Variants in ASTN2 observed in about 807,000 individuals in gnomAD.
ASTN2 encodes the protein astrotactin 2.
Under a neutral mutation model 139.8 loss-of-function variants are expected in ASTN2, and 54 were observed. The ratio of observed to expected loss-of-function variants is 0.39; its 90% CI spans 0.31 to 0.48. ASTN2 has a LOEUF of 0.48. Among genes scored for constraint, ASTN2 ranks in the 20% least tolerant of loss-of-function variants. The pLI, the probability that ASTN2 is intolerant of heterozygous loss-of-function variation, is 0.95. For missense variants in ASTN2, 1,565 were observed against 1,725.1 expected (o/e 0.91, Z 1.64); for synonymous variants, 756 against 719.5 (o/e 1.05, Z -0.81).
chr9:116,467,213 T>A (rs910755318), intron 20 of ASTN2, among the ~76,000 whole-genome samples: 1 of 152,012 alleles, frequency 6.6e-6, no homozygotes, highest in Admixed American at 6.6e-5. Context: ...AAACTCACTT[T>A]AGAATGCAGC....
At chr9:116,478,965 CT>C (rs1849080112) in intron 20 of ASTN2, among the ~76,000 whole-genome samples, 1 of 122,090 alleles carries the variant, frequency 8.2e-6, no homozygotes. Context: ...GCACTCCAGT[CT>C]GGGCGACAGA....
intron 3 of ASTN2, among the ~76,000 whole-genome samples, chr9:117,174,835 A>G (rs1830878242): frequency 6.6e-6 from 1 of 152,110 alleles, no homozygotes; most frequent in African/African-American, 2.4e-5. Flanking sequence ...TTATCTAACA[A>G]AAACCTAACA....
chr9:116,842,747 C>T (rs533965964), intron 11 of ASTN2, among the ~76,000 whole-genome samples: 5 of 62,630 alleles, frequency 8.0e-5, no homozygotes, highest in East Asian at 8.9e-4. Context: ...TGGGGTGGGG[C>T]GGGGGGAGGG....
chr9:117,383,422 G>T (rs1483019183), intron 1 of ASTN2, among the ~76,000 whole-genome samples: 3 of 152,104 alleles, frequency 2.0e-5, no homozygotes, highest in Non-Finnish European at 2.9e-5. Context: ...TCAGTTACAT[G>T]AATATATACA....
chr9:116,676,462 G>C (rs1859506469), intron 16 of ASTN2, among the ~76,000 whole-genome samples: 2 of 152,150 alleles, frequency 1.3e-5, no homozygotes, highest in Non-Finnish European at 2.9e-5. Context: ...TGGCAGGCTG[G>C]TCAGTTACAA....
intron 19 of ASTN2, among the ~76,000 whole-genome samples, chr9:116,606,998 AT>A (rs914245312): frequency 2.0e-5 from 3 of 152,302 alleles, no homozygotes; most frequent in African/African-American, 7.2e-5. Context: ...AGCCAAGTTC[AT>A]TTTCCAGAGG....
chr9:116,738,317 A>G (rs1303572481), intron 13 of ASTN2, among the ~76,000 whole-genome samples: 3 of 151,924 alleles, frequency 2.0e-5, no homozygotes, highest in Non-Finnish European at 2.9e-5. Flanking sequence ...CTTGGCCAAC[A>G]TGGTGAAACC....
intron 16 of ASTN2, among the ~76,000 whole-genome samples, chr9:116,682,057 G>A (rs534471009): frequency 2.0e-5 from 3 of 151,646 alleles, no homozygotes; most frequent in South Asian, 2.1e-4. Flanking sequence ...CTTCTGCACA[G>A]CAAAAGAAAC....
At chr9:116,651,873 C>T in intron 16 of ASTN2, 80 bp from the exon 17 acceptor site, 1 of 1,507,466 alleles carries the variant, frequency 6.6e-7, no homozygotes, top group Non-Finnish European at 9.0e-7. Flanking sequence ...TCACAAAATA[C>T]AGATGCTAAG....
chr9:117,116,609 G>A (rs1239784703), intron 4 of ASTN2, among the ~76,000 whole-genome samples: 1 of 149,054 alleles, frequency 6.7e-6, no homozygotes, highest in Admixed American at 6.7e-5. Context: ...TCTGCACAAT[G>A]CTAGTCTAGG....
At chr9:116,997,743 T>C (rs1419581013) in intron 7 of ASTN2, among the ~76,000 whole-genome samples, 1 of 152,198 alleles carries the variant, frequency 6.6e-6, no homozygotes, top group Non-Finnish European at 1.5e-5. Context: ...AATAACTACC[T>C]AGAAGTGTTA....
At chr9:116,479,465 G>A (rs1849096759) in intron 20 of ASTN2, among the ~76,000 whole-genome samples, 1 of 71,858 alleles carries the variant, frequency 1.4e-5, no homozygotes, top group Non-Finnish European at 4.1e-5. Flanking sequence ...CTCCATCCAA[G>A]GCTCTCAGCC....
chr9:116,856,525 G>A (rs1196207839), intron 11 of ASTN2, among the ~76,000 whole-genome samples: 1 of 152,164 alleles, frequency 6.6e-6, no homozygotes, highest in African/African-American at 2.4e-5. Flanking sequence ...TTAAGAGGGG[G>A]AAAGGATGAG....
chr9:117,009,931 G>A (rs1354041915), intron 6 of ASTN2, among the ~76,000 whole-genome samples: 4 of 152,160 alleles, frequency 2.6e-5, no homozygotes, highest in Admixed American at 6.5e-5. Context: ...TGTGGGAGGA[G>A]AAGTTTCCCT....
intron 17 of ASTN2, among the ~76,000 whole-genome samples, chr9:116,625,145 T>G (rs146023750): frequency 3.3e-5 from 5 of 152,106 alleles, no homozygotes; most frequent in African/African-American, 7.2e-5. Context: ...AAAACCAACC[T>G]CCCAGCTGGG....
chr9:117,019,061 T>C (rs1025874511), intron 6 of ASTN2, among the ~76,000 whole-genome samples: 9 of 152,210 alleles, frequency 5.9e-5, no homozygotes, highest in African/African-American at 2.2e-4. Context: ...CACTAAGATT[T>C]CTGGTTGTTG....
Position 116,917,500 on chromosome 9 carries a change from T to C in ASTN2, c.1890-53767A>G, listed in dbSNP as rs559798351. Among the ~76,000 whole-genome samples the C allele has an allele frequency of 2.6e-5, 4 of 152,350 alleles. No homozygotes were observed. In the East Asian group the frequency reaches 5.8e-4, roughly 22 times the overall value. On this transcript the variant is annotated intron_variant, in intron 10 of 22. Coordinates refer to ENST00000313400, the MANE Select transcript of ASTN2 (RefSeq NM_001365068.1). ...TTAAAGCATAGGACGTAAAAACTTTTGGGTCTGGAGACAATAGAATTTCTG... is the reference window on the plus strand; with the variant it reads ...TTAAAGCATAGGACGTAAAAACTTTCGGGTCTGGAGACAATAGAATTTCTG...
intron 5 of ASTN2, among the ~76,000 whole-genome samples, chr9:117,073,052 A>G (rs1828178144): frequency 6.6e-6 from 1 of 152,210 alleles, no homozygotes; most frequent in Non-Finnish European, 1.5e-5. Flanking sequence ...GAGAATCTGT[A>G]AAAAACAGAG....
chr9:116,588,684 GTTT>G (rs1330866821), intron 19 of ASTN2, among the ~76,000 whole-genome samples: 7 of 151,994 alleles, frequency 4.6e-5, no homozygotes, highest in African/African-American at 1.7e-4. Flanking sequence ...AGAAATGGTA[GTTT>G]TTTTTCTCTG....
Sources: gnomAD v4.1 joint callset for allele counts (sites outside exome capture counted in the v4.1 genomes callset) on GRCh38, gnomAD v4.1.1 for gene constraint, MANE v1.5 for transcripts, NCBI Gene and HGNC (gene_info 2026-07-23, HGNC 2026-07-21) for gene names.